DLGAP2: variants seen among roughly 807,000 people sequenced by gnomAD.
DLGAP2 encodes disks large-associated protein 2.
Under a neutral mutation model 100.3 loss-of-function variants are expected in DLGAP2, and 26 were observed. That is an observed-to-expected ratio of 0.26 (90% CI 0.19 to 0.36). The LOEUF is 0.36. Among genes scored for constraint, DLGAP2 ranks in the 10% least tolerant of loss-of-function variants. The probability of loss-of-function intolerance (pLI) is 1.00; values close to 1 mark genes in which losing one functional copy is unlikely to be tolerated. For missense variants in DLGAP2, 1,858 were observed against 1,453.2 expected (o/e 1.28, Z -4.53); for synonymous variants, 886 against 630.1 (o/e 1.41, Z -6.08).
rs1160374864 is a variant in DLGAP2, at chr8:1,416,975, CAT to C, written c.107-84390_107-84389del. ...GAGGCCCAGCTCAGTGCGGCTGTGG[CAT>C]TGAGACTCAGAGTCCAGGGCTCAGG... On this transcript the variant is annotated intron_variant, in intron 3 of 14. Coordinates refer to ENST00000637795, the MANE Select transcript of DLGAP2 (RefSeq NM_001346810.2). 2.6e-5 allele frequency among the ~76,000 whole-genome samples: 4 copies of C among 152,106 alleles called. No individual in the cohort carries two copies. The East Asian group carries it at 5.8e-4, about 22-fold the overall frequency.
chr8:1,429,416 G>A lies in DLGAP2; in HGVS notation c.107-71950G>A, dbSNP rs866503830. Among the ~76,000 whole-genome samples the A allele has an allele frequency of 6.6e-5, 10 of 152,236 alleles. No individual in the cohort carries two copies. In the East Asian group the frequency reaches 1.5e-3, roughly 24 times the overall value. On this transcript the variant is annotated intron_variant, in intron 3 of 14. Coordinates refer to ENST00000637795, the MANE Select transcript of DLGAP2 (RefSeq NM_001346810.2). ...CTGTCACTCACTGTGAGCTCATGGGGTCCAGGATTGTGTCTTGTTCATTGC... is the reference window on the plus strand; with the variant it reads ...CTGTCACTCACTGTGAGCTCATGGGATCCAGGATTGTGTCTTGTTCATTGC...
intron 3 of DLGAP2, among the ~76,000 whole-genome samples, chr8:1,424,786 A>G (rs1407917758): frequency 6.6e-6 from 1 of 152,184 alleles, no homozygotes; most frequent in Non-Finnish European, 1.5e-5. Flanking sequence ...AAGGCCGAAT[A>G]GGACAAGGAC....
Position 1,357,901 on chromosome 8 carries a change from T to C in DLGAP2, c.106+99018T>C, listed in dbSNP as rs559581331. Among the ~76,000 whole-genome samples the C allele has an allele frequency of 6.1e-4, 93 of 152,288 alleles. 2 individuals carry two copies. The highest frequency in any genetic ancestry group is 6.5e-4 in the Admixed American group (10 of 15,296). Reference sequence around the variant, plus strand: ...CCCCTGCACCTGCATCTAACTGACATGGATGTTGGCTCCCCACACTGTGAG... The same window carrying C: ...CCCCTGCACCTGCATCTAACTGACACGGATGTTGGCTCCCCACACTGTGAG... On this transcript the variant is annotated intron_variant, in intron 3 of 14. Transcript: ENST00000637795.
chr8:1,187,932 C>G (rs747128499), intron 2 of DLGAP2, among the ~76,000 whole-genome samples: 6 of 125,552 alleles, frequency 4.8e-5, no homozygotes. Context: ...CGGAATCTTG[C>G]ACGCCCGGGA....
intron 2 of DLGAP2, among the ~76,000 whole-genome samples, chr8:1,150,611 G>C (rs759279794): frequency 7.2e-5 from 11 of 152,200 alleles, no homozygotes. Flanking sequence ...AATCCAAGGA[G>C]AGAAGGGTGG....
At chr8:1,087,575 C>A (rs1268055477) in intron 2 of DLGAP2, among the ~76,000 whole-genome samples, 1 of 145,546 alleles carries the variant, frequency 6.9e-6, no homozygotes, top group African/African-American at 2.5e-5. Context: ...TTCATGTTCT[C>A]TCTGTGCCAT....
chr8:820,156 G>A (rs28436973), intron 1 of DLGAP2, among the ~76,000 whole-genome samples: 32,270 of 152,170 alleles, frequency 0.21, 4,407 homozygotes, highest in Non-Finnish European at 0.3. Context: ...GGGATAACTG[G>A]TTATCCATTG....
rs55973632 is a variant in DLGAP2, at chr8:1,690,157, A to G, written c.2705-1378A>G. Among the ~76,000 whole-genome samples the G allele has an allele frequency of 6.3e-3, 950 of 151,726 alleles. 6 individuals are homozygous for G. The highest frequency in any genetic ancestry group is 9.0e-3 in the Non-Finnish European group (610 of 67,920). ...GATCACCGGAGGTCAGGAGTTCGAG[A>G]CCAGCCTGGCCAACATGGTGAAACG... On this transcript the variant is annotated intron_variant, in intron 12 of 14. Coordinates refer to ENST00000637795, the MANE Select transcript of DLGAP2 (RefSeq NM_001346810.2).
chr8:1,435,657 T>G (rs2130025815), intron 3 of DLGAP2, among the ~76,000 whole-genome samples: 1 of 151,732 alleles, frequency 6.6e-6, no homozygotes, highest in East Asian at 2.0e-4. Flanking sequence ...GGAAAACCAT[T>G]ATCTGTAAAG....
At chr8:774,141 G>A (rs1166984367) in intron 1 of DLGAP2, among the ~76,000 whole-genome samples, 1 of 152,130 alleles carries the variant, frequency 6.6e-6, no homozygotes, top group Non-Finnish European at 1.5e-5. Context: ...CTGCATAAAT[G>A]TCTTCTTTTG....
intron 2 of DLGAP2, among the ~76,000 whole-genome samples, chr8:1,190,763 T>C (rs1315971064): frequency 6.6e-6 from 1 of 152,048 alleles, no homozygotes. Flanking sequence ...GGCAGACCCA[T>C]GACTAGAGCC....
chr8:1,593,848 C>T (rs932804208), intron 6 of DLGAP2, among the ~76,000 whole-genome samples: 5 of 152,230 alleles, frequency 3.3e-5, no homozygotes, highest in African/African-American at 1.2e-4. Context: ...AGAACTCCAT[C>T]TCTCAGCTTC....
chr8:1,546,946 C>A (rs535519732), intron 4 of DLGAP2, among the ~76,000 whole-genome samples: 1 of 152,130 alleles, frequency 6.6e-6, no homozygotes, highest in Non-Finnish European at 1.5e-5. Context: ...GAGACGGCCA[C>A]GCTCAGCCGT....
intron 2 of DLGAP2, among the ~76,000 whole-genome samples, chr8:920,264 C>T (rs1798680661): frequency 6.6e-6 from 1 of 152,228 alleles, no homozygotes; most frequent in Non-Finnish European, 1.5e-5. Flanking sequence ...TACCCAAATT[C>T]TGGGCTCCCA....
intron 2 of DLGAP2, among the ~76,000 whole-genome samples, chr8:1,243,849 C>G (rs1049711595): frequency 2.0e-5 from 3 of 152,220 alleles, no homozygotes; most frequent in Non-Finnish European, 4.4e-5. Context: ...TCTTCAGGCC[C>G]CTGAGTAACC....
chr8:1,207,213 GTC>G (rs1488020762), intron 2 of DLGAP2, among the ~76,000 whole-genome samples: 1 of 152,176 alleles, frequency 6.6e-6, no homozygotes, highest in Non-Finnish European at 1.5e-5. Flanking sequence ...CCAACGTGTA[GTC>G]TTTTATCCTC....
At chr8:1,046,374 G>A (rs1342869490) in intron 2 of DLGAP2, among the ~76,000 whole-genome samples, 1 of 152,130 alleles carries the variant, frequency 6.6e-6, no homozygotes, top group Non-Finnish European at 1.5e-5. Flanking sequence ...TATTTTGCTT[G>A]TACTTCATGA....
intron 3 of DLGAP2, among the ~76,000 whole-genome samples, chr8:1,322,753 CAT>C (rs1242367587): frequency 6.6e-6 from 1 of 152,242 alleles, no homozygotes; most frequent in African/African-American, 2.4e-5. Context: ...CCCTGGGAAA[CAT>C]AGATCAGATC....
chr8:1,211,402 G>A (rs1178239598), intron 2 of DLGAP2, among the ~76,000 whole-genome samples: 1 of 152,206 alleles, frequency 6.6e-6, no homozygotes. Flanking sequence ...AACTTTGGGT[G>A]CAGCAAAAAG....
Sources: gnomAD v4.1 joint callset for allele counts (sites outside exome capture counted in the v4.1 genomes callset) on GRCh38, gnomAD v4.1.1 for gene constraint, MANE v1.5 for transcripts, NCBI Gene and HGNC (gene_info 2026-07-23, HGNC 2026-07-21) for gene names.